PRDM11: variants seen among roughly 807,000 people sequenced by gnomAD.
PRDM11 encodes the protein PR/SET domain 11, also known as PR domain-containing protein 11.
In PRDM11, 20 loss-of-function variants were observed where a neutral mutation model predicts 97.8. The ratio of observed to expected loss-of-function variants is 0.20; its 90% CI spans 0.14 to 0.30. The LOEUF (loss-of-function observed/expected upper bound fraction) is 0.30. Ranked by LOEUF, PRDM11 falls within the 10% of genes least tolerant of loss-of-function variation. The pLI, the probability that PRDM11 is intolerant of heterozygous loss-of-function variation, is 1.00. For synonymous variants in PRDM11, 599 were observed against 637.7 expected, an observed-to-expected ratio of 0.94 and a Z score of 0.91; for missense variants, 1,139 against 1,555.2, an observed-to-expected ratio of 0.73 and a Z score of 4.50.
intron 3 of PRDM11, 131 bp downstream of exon 3, chr11:45,182,480 T>C: frequency 1.2e-6 from 1 of 826,812 alleles, no homozygotes; most frequent in South Asian, 1.8e-5. Flanking sequence ...GTCCAGGCCT[T>C]GGTTCGTCAT....
intron 1 of PRDM11, among the ~76,000 whole-genome samples, chr11:45,100,034 G>A (rs1326054008): frequency 1.3e-5 from 2 of 152,144 alleles, no homozygotes; most frequent in African/African-American, 4.8e-5. Flanking sequence ...AGCTAATGTC[G>A]GGAAACCAAA....
At chr11:45,211,503 G>GC (rs1278952497) in intron 5 of PRDM11, among the ~76,000 whole-genome samples, 2 of 149,172 alleles carry the variant, frequency 1.3e-5, no homozygotes, top group East Asian at 3.9e-4. Flanking sequence ...CCTGTGTCCG[G>GC]CTGCAAGGAG....
chr11:45,122,236 C>CAGAG (rs1554964899), intron 1 of PRDM11, among the ~76,000 whole-genome samples: 73 of 144,632 alleles, frequency 5.0e-4, no homozygotes, highest in Non-Finnish European at 6.7e-4. Flanking sequence ...CACACACACA[C>CAGAG]AGAGAGAAAC....
chr11:45,171,436 T>C (rs1407398855), intron 1 of PRDM11, among the ~76,000 whole-genome samples: 1 of 152,102 alleles, frequency 6.6e-6, no homozygotes, highest in Non-Finnish European at 1.5e-5. Flanking sequence ...CAGTGCCAAA[T>C]TGCTCTCCCT....
At chr11:45,184,984 G>A (rs113932702) in intron 4 of PRDM11, among the ~76,000 whole-genome samples, 1 of 152,268 alleles carries the variant, frequency 6.6e-6, no homozygotes, top group African/African-American at 2.4e-5. Context: ...AAGGTTTGCA[G>A]CCAGAGAGGT....
At chr11:45,163,766 A>C (rs1403534699) in intron 1 of PRDM11, among the ~76,000 whole-genome samples, 2 of 152,204 alleles carry the variant, frequency 1.3e-5, no homozygotes, top group African/African-American at 4.8e-5. Context: ...CATAAGAAGG[A>C]GCTGCAGACC....
At chr11:45,143,409 G>A (rs889208382), upstream of PRDM11, among the ~76,000 whole-genome samples, 5 of 152,172 alleles carry the variant, frequency 3.3e-5, no homozygotes, top group Non-Finnish European at 7.3e-5. Flanking sequence ...TATCTCAGTA[G>A]CCTTCACAGG....
At chr11:45,162,271 G>T (rs150850453) in intron 1 of PRDM11, among the ~76,000 whole-genome samples, 1 of 152,218 alleles carries the variant, frequency 6.6e-6, no homozygotes, top group Non-Finnish European at 1.5e-5. Flanking sequence ...TGTGGTGTGG[G>T]CAGGGGTTGC....
chr11:45,158,993 C>G (rs976379059), intron 1 of PRDM11, among the ~76,000 whole-genome samples: 4 of 152,186 alleles, frequency 2.6e-5, no homozygotes, highest in African/African-American at 4.8e-5. Context: ...TTGAGCCCCC[C>G]CTTCCTAGTT....
chr11:45,205,055 G>A (rs1853459594), intron 5 of PRDM11, among the ~76,000 whole-genome samples: 1 of 152,044 alleles, frequency 6.6e-6, no homozygotes. Context: ...CCAGGCTCCT[G>A]GCAGCATTCC....
chr11:45,219,552 G>C lies in PRDM11; in HGVS notation c.555-18G>C. The C allele has an allele frequency of 6.2e-7, 1 of 1,607,946 alleles. No homozygotes were observed. ...AAGGGTGGCCCGTGCGTTCTCACCT[G>C]TCTCCCCTCCCCACCAGGTACGTGG... is the stretch of plus-strand genomic sequence containing the variant. On this transcript the variant is annotated intron_variant, in intron 5 of 7. Coordinates refer to ENST00000683152, the MANE Select transcript of PRDM11 (RefSeq NM_001384648.1). The surrounding 1 kb of genome is among the most constrained non-coding windows in gnomAD (Gnocchi z 4.2).
chr11:45,218,504 T>C (rs138541130), intron 5 of PRDM11, among the ~76,000 whole-genome samples: 4 of 152,376 alleles, frequency 2.6e-5, no homozygotes, highest in South Asian at 2.1e-4. Flanking sequence ...ATATAATTCA[T>C]TGGGCTACAC....
chr11:45,152,206 A>G (rs1468491538), intron 1 of PRDM11, among the ~76,000 whole-genome samples: 2 of 152,150 alleles, frequency 1.3e-5, no homozygotes, highest in Non-Finnish European at 2.9e-5. Flanking sequence ...AGCTGGGACT[A>G]CAGGCACATA....
intron 1 of PRDM11, among the ~76,000 whole-genome samples, chr11:45,114,052 G>T (rs1852250243): frequency 6.6e-6 from 1 of 152,034 alleles, no homozygotes; most frequent in African/African-American, 2.4e-5. Context: ...CCAGTACTAT[G>T]TTGAATAGAA....
intron 1 of PRDM11, among the ~76,000 whole-genome samples, chr11:45,180,668 C>CGGGCGGG (rs1377694419): frequency 2.7e-5 from 4 of 150,318 alleles, no homozygotes; most frequent in East Asian, 2.0e-4. Context: ...CCGGGCCTGG[C>CGGGCGGG]GGGCGGGGGG....
At chr11:45,207,024 C>T (rs560332633) in intron 5 of PRDM11, among the ~76,000 whole-genome samples, 1 of 152,362 alleles carries the variant, frequency 6.6e-6, no homozygotes, top group Admixed American at 6.5e-5. Context: ...TCCTGTTCTG[C>T]TCCCAGCCTG....
intron 1 of PRDM11, among the ~76,000 whole-genome samples, chr11:45,175,656 T>C (rs762849804): frequency 6.6e-6 from 1 of 152,234 alleles, no homozygotes; most frequent in African/African-American, 2.4e-5. Context: ...GCAATTTAAA[T>C]ACATCCTTAG....
chr11:45,225,497 T>G (rs909894056), intron 7 of PRDM11, among the ~76,000 whole-genome samples: 7 of 152,228 alleles, frequency 4.6e-5, no homozygotes, highest in Non-Finnish European at 8.8e-5. Context: ...TAGCTCAGAA[T>G]GAGGTGTTTC....
At position 45,182,733 on chromosome 11, in the gene PRDM11, A is replaced by G. The variant is rs1204485104; in HGVS notation, c.224-128A>G. ...CCCAGGGAGAGTATGGGTTATTGCTACCGATGACCCTGGGGCCTGCAGCTG... is the reference window on the plus strand; with the variant it reads ...CCCAGGGAGAGTATGGGTTATTGCTGCCGATGACCCTGGGGCCTGCAGCTG... On this transcript the variant is annotated intron_variant, in intron 3 of 7. Transcript: ENST00000683152. The G allele has an allele frequency of 3.7e-5, 44 of 1,179,182 alleles. No homozygotes were observed. In the Admixed American group the frequency reaches 1.0e-3, roughly 27 times the overall value. The allele number at this position is 1,179,182 out of a possible 1,614,324, so 73.0% of individuals were successfully genotyped here. A position where few individuals can be genotyped will look rare whatever the true frequency, so the allele number is the denominator to read the frequency against.
Sources: gnomAD v4.1 joint callset for allele counts (sites outside exome capture counted in the v4.1 genomes callset) on GRCh38, gnomAD v4.1.1 for gene constraint, Gnocchi (gnomAD v3.1) non-coding constraint, MANE v1.5 for transcripts, NCBI Gene and HGNC (gene_info 2026-07-23, HGNC 2026-07-21) for gene names.